The following ARHGAP28 variants were observed in gnomAD, a reference collection of about 807,000 sequenced individuals.
ARHGAP28 encodes the protein Rho GTPase activating protein 28.
ARHGAP28 carries 56 observed loss-of-function variants against 90.7 expected under a neutral mutation model. The observed-to-expected ratio is 0.62, with a 90% CI of 0.50 to 0.77. The LOEUF is 0.77. ARHGAP28 is among the 30% of genes least tolerant of loss of function. The probability of loss-of-function intolerance (pLI) is 0.00; values close to 1 mark genes in which losing one functional copy is unlikely to be tolerated. For missense variants in ARHGAP28, 869 were observed against 900.9 expected (o/e 0.96, Z 0.45); for synonymous variants, 308 against 323.3 (o/e 0.95, Z 0.51).
intron 1 of ARHGAP28, among the ~76,000 whole-genome samples, chr18:6,775,345 G>A (rs912752365): frequency 1.3e-5 from 2 of 152,044 alleles, no homozygotes; most frequent in Admixed American, 6.5e-5. Flanking sequence ...TGTGTTTATC[G>A]TTTCCTTATT....
intron 16 of ARHGAP28, among the ~76,000 whole-genome samples, chr18:6,906,967 C>A (rs56965487): frequency 0.02 from 3,070 of 152,112 alleles, 86 homozygotes; most frequent in African/African-American, 0.07. Flanking sequence ...TGAAAGTGGG[C>A]AAAAGACATG....
At chr18:6,862,899 G>A in intron 5 of ARHGAP28, among the ~76,000 whole-genome samples, 1 of 151,956 alleles carries the variant, frequency 6.6e-6, no homozygotes, top group East Asian at 1.9e-4. Flanking sequence ...GTTTGCATTG[G>A]TATTTAAACC....
intron 1 of ARHGAP28, among the ~76,000 whole-genome samples, chr18:6,755,322 A>G (rs1452455760): frequency 6.6e-6 from 1 of 152,208 alleles, no homozygotes; most frequent in Non-Finnish European, 1.5e-5. Flanking sequence ...CCAAAAAGTG[A>G]CAATGGAATC....
intron 6 of ARHGAP28, among the ~76,000 whole-genome samples, chr18:6,868,851 G>A (rs1339495474): frequency 6.6e-6 from 1 of 152,078 alleles, no homozygotes; most frequent in Non-Finnish European, 1.5e-5. Flanking sequence ...TGATGAAAAT[G>A]TTCTAAAATT....
chr18:6,861,237 T>A (rs2056995965), intron 5 of ARHGAP28, among the ~76,000 whole-genome samples: 1 of 152,114 alleles, frequency 6.6e-6, no homozygotes, highest in African/African-American at 2.4e-5. Context: ...TCTGCCTCCC[T>A]CCTCCCCTCT....
At chr18:6,840,164 G>A (rs1370803631) in intron 3 of ARHGAP28, among the ~76,000 whole-genome samples, 5 of 152,164 alleles carry the variant, frequency 3.3e-5, no homozygotes, top group Non-Finnish European at 7.3e-5. Flanking sequence ...AATAAAAGGA[G>A]GGCCTGAGCC....
intron 2 of ARHGAP28, among the ~76,000 whole-genome samples, chr18:6,826,706 T>TC (rs71163301): frequency 6.8e-6 from 1 of 146,454 alleles, no homozygotes; most frequent in East Asian, 2.0e-4. Flanking sequence ...TTTTTTTTTT[T>TC]ATTGATCATT....
At chr18:6,858,325 T>G (rs1448626918) in intron 4 of ARHGAP28, among the ~76,000 whole-genome samples, 2 of 152,194 alleles carry the variant, frequency 1.3e-5, no homozygotes. Flanking sequence ...CCTAGAAATT[T>G]TATTTTATGT....
intron 3 of ARHGAP28, among the ~76,000 whole-genome samples, chr18:6,842,455 C>T (rs946821648): frequency 4.6e-5 from 7 of 152,160 alleles, no homozygotes; most frequent in Admixed American, 4.6e-4. Flanking sequence ...TAGCTAGCAT[C>T]TGTTGTTGTT....
chr18:6,813,942 G>A (rs1353608221), intron 1 of ARHGAP28, among the ~76,000 whole-genome samples: 1 of 152,080 alleles, frequency 6.6e-6, no homozygotes, highest in African/African-American at 2.4e-5. Context: ...GGAAACCCTA[G>A]TTATGGCTTT....
intron 1 of ARHGAP28, among the ~76,000 whole-genome samples, chr18:6,801,050 T>G (rs957506641): frequency 1.3e-5 from 2 of 152,238 alleles, no homozygotes; most frequent in African/African-American, 4.8e-5. Flanking sequence ...TTGTGTCCTA[T>G]CTTTCAAATA....
chr18:6,909,712 T>G (rs924087746), intron 17 of ARHGAP28, among the ~76,000 whole-genome samples: 3 of 152,126 alleles, frequency 2.0e-5, no homozygotes, highest in African/African-American at 4.8e-5. Flanking sequence ...CTTCCCTATT[T>G]TAACTCTCCT....
At chr18:6,839,698 A>T (rs552232903) in intron 3 of ARHGAP28, among the ~76,000 whole-genome samples, 1 of 152,316 alleles carries the variant, frequency 6.6e-6, no homozygotes, top group East Asian at 1.9e-4. Flanking sequence ...GAAAGCAAAT[A>T]TGAATTGTAC....
chr18:6,808,005 A>G (rs988751535), intron 1 of ARHGAP28, among the ~76,000 whole-genome samples: 1 of 152,184 alleles, frequency 6.6e-6, no homozygotes, highest in South Asian at 2.1e-4. Flanking sequence ...CTGACATTCA[A>G]TATCTTGAGA....
At chr18:6,853,928 T>G (rs905991143) in intron 4 of ARHGAP28, among the ~76,000 whole-genome samples, 6 of 152,220 alleles carry the variant, frequency 3.9e-5, no homozygotes, top group African/African-American at 1.4e-4. Context: ...CTGACCACCG[T>G]GGGCACATGT....
At chr18:6,790,673 A>G (rs1190989137) in intron 1 of ARHGAP28, 1 of 152,186 alleles carries the variant, frequency 6.6e-6, no homozygotes, top group Non-Finnish European at 1.5e-5. Context: ...TTGGCAAATA[A>G]TTGTTAGTAA....
chr18:6,794,694 T>A (rs1353031722), intron 1 of ARHGAP28, among the ~76,000 whole-genome samples: 3 of 137,316 alleles, frequency 2.2e-5, no homozygotes, highest in African/African-American at 6.6e-5. Context: ...TAATTTTTTT[T>A]ATGTTTGGTC....
rs184509482 is a variant in ARHGAP28, at chr18:6,740,634, A to G, written c.122+10691A>G. Reference sequence around the variant, plus strand: ...ACACCAGAACTATAGAGATAGGACAATCATTTTCATTATATGATAAATGGT... The same window carrying G: ...ACACCAGAACTATAGAGATAGGACAGTCATTTTCATTATATGATAAATGGT... On this transcript the variant is annotated intron_variant, in intron 1 of 17. Coordinates refer to ENST00000383472, the MANE Select transcript of ARHGAP28 (RefSeq NM_001366230.1). Among the ~76,000 whole-genome samples, 7 of 152,270 alleles carry G rather than the reference A, an allele frequency of 4.6e-5. No individual in the cohort carries two copies. In the East Asian group the frequency reaches 9.7e-4, roughly 21 times the overall value.
chr18:6,814,495 G>A (rs772933330), intron 1 of ARHGAP28, among the ~76,000 whole-genome samples: 33 of 152,296 alleles, frequency 2.2e-4, no homozygotes, highest in Non-Finnish European at 3.7e-4. Context: ...CCTGACTGAA[G>A]GTTAATGACT....
Sources: gnomAD v4.1 joint callset for allele counts (sites outside exome capture counted in the v4.1 genomes callset) on GRCh38, gnomAD v4.1.1 for gene constraint, MANE v1.5 for transcripts, NCBI Gene and HGNC (gene_info 2026-07-23, HGNC 2026-07-21) for gene names.